Variants in KHDRBS2 observed in about 807,000 individuals in gnomAD.
The protein encoded by KHDRBS2 is KH domain-containing, RNA-binding, signal transduction-associated protein 2.
A neutral mutation model predicts 44.3 loss-of-function variants in KHDRBS2; 26 were observed. The observed-to-expected ratio is 0.59, with a 90% confidence interval of 0.43 to 0.81. The LOEUF (loss-of-function observed/expected upper bound fraction) is 0.81. Ranked by LOEUF, KHDRBS2 falls within the 40% of genes least tolerant of loss-of-function variation. The probability of loss-of-function intolerance (pLI) is 0.00; values close to 1 mark genes in which losing one functional copy is unlikely to be tolerated. For synonymous variants in KHDRBS2, 194 were observed against 151.1 expected (o/e 1.28, Z -2.08); for missense variants, 476 against 433.1 (o/e 1.10, Z -0.88).
rs1478244589 is a variant in KHDRBS2 at position 62,062,993 on chromosome 6, A to G, written c.220-14999T>C. The stretch of plus-strand genomic sequence containing the variant: ...ATACAAACTACCATCAGAGAATACT[A>G]CAAACAACTCTATGCAAATAAACTA... On this transcript the variant is annotated intron_variant, in intron 2 of 8. Coordinates refer to ENST00000281156, the MANE Select transcript of KHDRBS2 (RefSeq NM_152688.4). Among the ~76,000 whole-genome samples the G allele has an allele frequency of 5.4e-4, 82 of 151,548 alleles. 1 individual carries two copies. The highest frequency in any genetic ancestry group is 1.9e-3 in the African/African-American group (79 of 41,336).
intron 7 of KHDRBS2, among the ~76,000 whole-genome samples, chr6:61,703,423 G>A (rs1473204795): frequency 6.6e-6 from 1 of 151,746 alleles, no homozygotes; most frequent in East Asian, 1.9e-4. Flanking sequence ...AAAATTATAT[G>A]TGAGGGATAT....
At chr6:62,108,711 T>C (rs891748171) in intron 2 of KHDRBS2, among the ~76,000 whole-genome samples, 3 of 152,108 alleles carry the variant, frequency 2.0e-5, no homozygotes, top group Non-Finnish European at 4.4e-5. Context: ...TGTCCAACAA[T>C]GATAGACTGG....
At chr6:61,975,147 G>T (rs958896430) in intron 4 of KHDRBS2, among the ~76,000 whole-genome samples, 5 of 151,936 alleles carry the variant, frequency 3.3e-5, no homozygotes, top group African/African-American at 1.2e-4. Context: ...TCTAAAGTTG[G>T]TTATCTTAGA....
At chr6:61,637,762 A>G in the KHDRBS2 span, among the ~76,000 whole-genome samples, 2 of 151,934 alleles carry the variant, frequency 1.3e-5, no homozygotes, top group Non-Finnish European at 2.9e-5. Context: ...TGTGGTTTTG[A>G]TTTGCATTTC....
chr6:61,769,195 C>T, intron 6 of KHDRBS2, among the ~76,000 whole-genome samples: 1 of 151,998 alleles, frequency 6.6e-6, no homozygotes, highest in Non-Finnish European at 1.5e-5. Flanking sequence ...GCCAAGATGG[C>T]CAAATAGGAA....
the KHDRBS2 span, among the ~76,000 whole-genome samples, chr6:61,669,907 A>G: frequency 6.6e-6 from 1 of 151,128 alleles, no homozygotes; most frequent in Non-Finnish European, 1.5e-5. Context: ...TTTTTCACTA[A>G]GAAACAAAAT....
intron 6 of KHDRBS2, among the ~76,000 whole-genome samples, chr6:61,848,552 CATATATATAT>C (rs1289000450): frequency 0.2 from 7,376 of 36,464 alleles, 1,066 homozygotes; most frequent in African/African-American, 0.26. Context: ...TATATATATA[CATATATATAT>C]GTATATATAT....
At chr6:61,889,318 G>T (rs1311144481) in intron 6 of KHDRBS2, among the ~76,000 whole-genome samples, 1 of 152,124 alleles carries the variant, frequency 6.6e-6, no homozygotes, top group African/African-American at 2.4e-5. Context: ...AGACCTTGAG[G>T]TGCTGCTGTC....
chr6:62,276,272 G>T (rs1840922012), intron 1 of KHDRBS2, among the ~76,000 whole-genome samples: 1 of 152,100 alleles, frequency 6.6e-6, no homozygotes, highest in Admixed American at 6.6e-5. Flanking sequence ...AGAACATACA[G>T]ATAACATTTA....
the KHDRBS2 span, among the ~76,000 whole-genome samples, chr6:61,545,282 T>C: frequency 6.6e-6 from 1 of 151,842 alleles, no homozygotes; most frequent in Admixed American, 6.6e-5. Flanking sequence ...CCCATCTTTA[T>C]AAAAATAAAA....
At chr6:62,271,943 T>C (rs912954488) in intron 1 of KHDRBS2, among the ~76,000 whole-genome samples, 1 of 152,194 alleles carries the variant, frequency 6.6e-6, no homozygotes, top group Admixed American at 6.6e-5. Context: ...TTATAAAGTC[T>C]ACAGTAGTGT....
Position 61,945,148 on chromosome 6 carries a change from T to TAC in KHDRBS2, c.483+32917_483+32918insGT, listed in dbSNP as rs1227455840. 2.5e-3 allele frequency among the ~76,000 whole-genome samples: 178 copies of TAC among 71,412 alleles called. 3 individuals are homozygous for TAC. The highest frequency in any genetic ancestry group is 5.0e-3 in the East Asian group (15 of 3,006). The allele number at this position is 71,412 out of a possible 152,430, so 46.8% of individuals were successfully genotyped here. A position where few individuals can be genotyped will look rare whatever the true frequency, so the allele number is the denominator to read the frequency against. On this transcript the variant is annotated intron_variant, in intron 4 of 8. Coordinates refer to ENST00000281156, the MANE Select transcript of KHDRBS2 (RefSeq NM_152688.4). ...ATATATATATATATATATATATATA[T>TAC]ATACACACAGACTTGTCTTGATAAA...
chr6:61,777,671 C>G (rs1162287445), intron 6 of KHDRBS2, among the ~76,000 whole-genome samples: 6 of 152,026 alleles, frequency 3.9e-5, no homozygotes, highest in Non-Finnish European at 8.8e-5. Flanking sequence ...CATTGATGCT[C>G]TCTGGTGATA....
At chr6:61,667,602 T>A in the KHDRBS2 span, among the ~76,000 whole-genome samples, 2 of 151,386 alleles carry the variant, frequency 1.3e-5, no homozygotes, top group Non-Finnish European at 3.0e-5. Context: ...GCTGCTTTTC[T>A]GCAAAATATT....
chr6:61,722,978 G>T (rs1772930462), intron 7 of KHDRBS2, among the ~76,000 whole-genome samples: 1 of 152,078 alleles, frequency 6.6e-6, no homozygotes, highest in Non-Finnish European at 1.5e-5. Flanking sequence ...CAAAGTGCTG[G>T]AATTACAGGC....
chr6:61,574,455 AC>A, the KHDRBS2 span: 1 of 1,387,588 alleles, frequency 7.2e-7, no homozygotes, highest in Admixed American at 2.2e-5. Context: ...TGCAAACAAC[AC>A]CCAATAAGCC....
chr6:61,809,706 G>A (rs1345088178), intron 6 of KHDRBS2, among the ~76,000 whole-genome samples: 6 of 152,122 alleles, frequency 3.9e-5, no homozygotes, highest in Non-Finnish European at 8.8e-5. Flanking sequence ...TGACAAATGT[G>A]ATGGAGCTTC....
intron 1 of KHDRBS2, among the ~76,000 whole-genome samples, chr6:62,182,562 AC>A (rs541419000): frequency 6.6e-6 from 1 of 152,024 alleles, no homozygotes; most frequent in Admixed American, 6.6e-5. Flanking sequence ...ATAGGGGTAT[AC>A]TTCTCTCCAA....
the KHDRBS2 span, among the ~76,000 whole-genome samples, chr6:61,589,824 C>T: frequency 2.0e-5 from 3 of 152,102 alleles, no homozygotes; most frequent in South Asian, 2.1e-4. Context: ...TTTTATTTCC[C>T]TTACAGAGGA....
Sources: allele counts gnomAD v4.1 joint callset (sites outside exome capture counted in the v4.1 genomes callset), GRCh38; gene constraint gnomAD v4.1.1; transcripts MANE v1.5; gene names NCBI Gene and HGNC (gene_info 2026-07-23, HGNC 2026-07-21).